ANKS1B: variants seen among roughly 807,000 people sequenced by gnomAD.
ANKS1B encodes the protein ankyrin repeat and sterile alpha motif domain-containing protein 1B.
ANKS1B carries 36 observed loss-of-function variants against 148.3 expected under a neutral mutation model. The ratio of observed to expected loss-of-function variants is 0.24; its 90% CI spans 0.19 to 0.32. The LOEUF is 0.32. ANKS1B is among the 10% of genes least tolerant of loss of function. ANKS1B has a pLI of 1.00. For synonymous variants in ANKS1B, 542 were observed against 560.8 expected (o/e 0.97, Z 0.47); for missense variants, 1,157 against 1,542.6 (o/e 0.75, Z 4.19).
At chr12:98,987,098 G>T (rs535637480) in intron 17 of ANKS1B, among the ~76,000 whole-genome samples, 1 of 151,674 alleles carries the variant, frequency 6.6e-6, no homozygotes, top group Non-Finnish European at 1.5e-5. Context: ...AAGTATAGTA[G>T]AATGCGATTT....
At chr12:99,813,235 T>G (rs1869816638) in intron 2 of ANKS1B, among the ~76,000 whole-genome samples, 1 of 151,626 alleles carries the variant, frequency 6.6e-6, no homozygotes, top group Non-Finnish European at 1.5e-5. Context: ...AAGAATTAAT[T>G]AATAATTATT....
intron 16 of ANKS1B, among the ~76,000 whole-genome samples, chr12:99,083,516 C>A (rs972830947): frequency 1.3e-5 from 2 of 152,154 alleles, no homozygotes; most frequent in African/African-American, 4.8e-5. Context: ...CACACTGACC[C>A]AACCTACTTT....
At chr12:99,734,315 C>CT (rs1046280817) in intron 8 of ANKS1B, among the ~76,000 whole-genome samples, 3 of 151,998 alleles carry the variant, frequency 2.0e-5, no homozygotes, top group Non-Finnish European at 4.4e-5. Flanking sequence ...TCTCCCACAT[C>CT]TTTTTTTGCT....
chr12:99,180,625 G>T (rs906499968), intron 14 of ANKS1B, among the ~76,000 whole-genome samples: 1 of 136,280 alleles, frequency 7.3e-6, no homozygotes, highest in African/African-American at 3.0e-5. Context: ...TGAGGGAAAG[G>T]GTTTTTTTTT....
intron 10 of ANKS1B, among the ~76,000 whole-genome samples, chr12:99,453,711 A>G (rs1159946052): frequency 6.6e-6 from 1 of 152,256 alleles, no homozygotes; most frequent in African/African-American, 2.4e-5. Flanking sequence ...ATAGCAATAG[A>G]TAACTAATAT....
intron 17 of ANKS1B, among the ~76,000 whole-genome samples, chr12:98,896,499 C>G (rs1003365898): frequency 6.6e-6 from 1 of 152,150 alleles, no homozygotes; most frequent in African/African-American, 2.4e-5. Context: ...TTTCCTTAAA[C>G]AGGAAACTCT....
chr12:98,854,502 C>A (rs1042831913), intron 17 of ANKS1B, among the ~76,000 whole-genome samples: 1 of 147,744 alleles, frequency 6.8e-6, no homozygotes, highest in Non-Finnish European at 1.5e-5. Context: ...GCAACACCAT[C>A]CCCTGTTTTA....
At chr12:99,530,055 G>A (rs1359324230) in intron 9 of ANKS1B, among the ~76,000 whole-genome samples, 1 of 152,168 alleles carries the variant, frequency 6.6e-6, no homozygotes, top group Non-Finnish European at 1.5e-5. Context: ...GGTCTCTGTT[G>A]TAACTACTCA....
At chr12:99,011,270 A>T (rs888854250) in intron 17 of ANKS1B, among the ~76,000 whole-genome samples, 3 of 152,188 alleles carry the variant, frequency 2.0e-5, no homozygotes, top group Non-Finnish European at 4.4e-5. Context: ...ATACAGCCAT[A>T]AAAACGAAAA....
At chr12:99,251,664 T>G (rs528836693) in intron 12 of ANKS1B, among the ~76,000 whole-genome samples, 1 of 152,334 alleles carries the variant, frequency 6.6e-6, no homozygotes, top group East Asian at 1.9e-4. Context: ...ACCTTTGCTA[T>G]GATTTTTATC....
At chr12:99,641,285 G>A (rs184162908) in intron 9 of ANKS1B, among the ~76,000 whole-genome samples, 19 of 152,258 alleles carry the variant, frequency 1.2e-4, no homozygotes, top group East Asian at 3.9e-4. Context: ...AGGAACTAGC[G>A]TCCTCATTTT....
At chr12:98,817,727 C>T (rs145446658) in intron 19 of ANKS1B, among the ~76,000 whole-genome samples, 1 of 152,170 alleles carries the variant, frequency 6.6e-6, no homozygotes. Context: ...ACCCACTGAC[C>T]CTTTTTATAA....
chr12:99,042,607 C>T lies in ANKS1B; in HGVS notation c.2778+10550G>A, dbSNP rs374506105. Reference sequence around the variant, plus strand: ...TTGAGGCAATGGATAACTGATAATGCTTCCCATAAATCTTAGGAACTTGGA... The same window carrying T: ...TTGAGGCAATGGATAACTGATAATGTTTCCCATAAATCTTAGGAACTTGGA... On this transcript the variant is annotated intron_variant, in intron 17 of 26. Coordinates refer to ENST00000683438, the MANE Select transcript of ANKS1B (RefSeq NM_001352186.2). Among the ~76,000 whole-genome samples, 5 of 152,328 alleles carry T rather than the reference C, an allele frequency of 3.3e-5. No individual in the cohort carries two copies. The East Asian group carries it at 7.7e-4, about 23-fold the overall frequency.
At chr12:98,888,474 A>G (rs1180453120) in intron 17 of ANKS1B, among the ~76,000 whole-genome samples, 1 of 152,124 alleles carries the variant, frequency 6.6e-6, no homozygotes. Context: ...CTCAAATGTA[A>G]AAGGATCACA....
chr12:98,972,119 G>C (rs961365718), intron 17 of ANKS1B, among the ~76,000 whole-genome samples: 2 of 152,212 alleles, frequency 1.3e-5, no homozygotes, highest in Non-Finnish European at 2.9e-5. Context: ...AGTGAGCCAA[G>C]ATTGTGCCAC....
At chr12:99,580,576 CTA>C (rs2097560787) in intron 9 of ANKS1B, among the ~76,000 whole-genome samples, 1 of 152,024 alleles carries the variant, frequency 6.6e-6, no homozygotes, top group Non-Finnish European at 1.5e-5. Context: ...AGAATGGTGG[CTA>C]CCAGAGGTTG....
chr12:99,357,838 CTACAA>C (rs1555400529), intron 12 of ANKS1B, among the ~76,000 whole-genome samples: 1 of 151,930 alleles, frequency 6.6e-6, no homozygotes, highest in Non-Finnish European at 1.5e-5. Flanking sequence ...CATATTGTAA[CTACAA>C]TACATGATAA....
intron 9 of ANKS1B, among the ~76,000 whole-genome samples, chr12:99,638,592 G>T (rs547525538): frequency 2.0e-5 from 3 of 152,104 alleles, no homozygotes; most frequent in African/African-American, 7.2e-5. Context: ...GAGCATAAAA[G>T]TTTAGAATAT....
intron 12 of ANKS1B, among the ~76,000 whole-genome samples, chr12:99,385,216 C>T (rs1425237821): frequency 2.6e-5 from 4 of 152,126 alleles, no homozygotes; most frequent in Admixed American, 1.3e-4. Flanking sequence ...CGCCTGTAAT[C>T]GCACCACTTT....
Sources: gnomAD v4.1 joint callset for allele counts (sites outside exome capture counted in the v4.1 genomes callset) on GRCh38, gnomAD v4.1.1 for gene constraint, MANE v1.5 for transcripts, NCBI Gene and HGNC (gene_info 2026-07-23, HGNC 2026-07-21) for gene names.